The following NEDD4L variants were observed in gnomAD, a reference collection of about 807,000 sequenced individuals.
NEDD4L encodes E3 ubiquitin-protein ligase NEDD4-like.
In NEDD4L, 54 loss-of-function variants were observed where a neutral mutation model predicts 148.9. That is an observed-to-expected ratio of 0.36 (90% CI 0.29 to 0.45). The LOEUF is 0.45. Ranked by LOEUF, NEDD4L falls within the 20% of genes least tolerant of loss-of-function variation. The probability of loss-of-function intolerance (pLI) is 1.00; values close to 1 mark genes in which losing one functional copy is unlikely to be tolerated. For synonymous variants in NEDD4L, 433 were observed against 440.7 expected (o/e 0.98, Z 0.22); for missense variants, 856 against 1,233.8 (o/e 0.69, Z 4.59).
chr18:58,139,304 C>T (rs1179709268), intron 1 of NEDD4L, among the ~76,000 whole-genome samples: 2 of 151,554 alleles, frequency 1.3e-5, no homozygotes, highest in Admixed American at 1.3e-4. Context: ...CCCCGACCCC[C>T]GCCCCATACA....
chr18:58,305,844 GT>G (rs1356353957), intron 5 of NEDD4L, among the ~76,000 whole-genome samples: 2 of 152,116 alleles, frequency 1.3e-5, no homozygotes, highest in Non-Finnish European at 2.9e-5. Context: ...TAAAATTGTT[GT>G]GTCGGGTGGG....
At chr18:58,104,731 A>G (rs1318008910) in intron 1 of NEDD4L, among the ~76,000 whole-genome samples, 4 of 152,168 alleles carry the variant, frequency 2.6e-5, no homozygotes, top group Non-Finnish European at 5.9e-5. Flanking sequence ...GAAGTCACAG[A>G]ACAATTGCAT....
At chr18:58,234,000 A>G (rs2045577635) in intron 2 of NEDD4L, among the ~76,000 whole-genome samples, 1 of 151,876 alleles carries the variant, frequency 6.6e-6, no homozygotes, top group Admixed American at 6.6e-5. Flanking sequence ...TAAGAACACC[A>G]GTCATATTGG....
intron 19 of NEDD4L, among the ~76,000 whole-genome samples, chr18:58,363,330 G>A (rs576151978): frequency 2.0e-5 from 3 of 152,276 alleles, no homozygotes; most frequent in South Asian, 2.1e-4. Flanking sequence ...AACTTAGGCC[G>A]AAATGATAAC....
intron 5 of NEDD4L, among the ~76,000 whole-genome samples, chr18:58,307,864 T>A (rs1027411229): frequency 1.3e-5 from 2 of 152,230 alleles, no homozygotes; most frequent in Admixed American, 6.5e-5. Context: ...TATTTCAGAT[T>A]AAGATCTGTT....
At chr18:58,108,319 C>G (rs1489320663) in intron 1 of NEDD4L, among the ~76,000 whole-genome samples, 1 of 152,122 alleles carries the variant, frequency 6.6e-6, no homozygotes, top group Admixed American at 6.5e-5. Context: ...CTTTTAACTC[C>G]AAAATTGTTT....
At chr18:58,333,783 T>G (rs1356458178) in intron 11 of NEDD4L, 35 bp from the exon 12 acceptor site, 1 of 1,534,288 alleles carries the variant, frequency 6.5e-7, no homozygotes. Flanking sequence ...AAGAATATAT[T>G]TCTTGATGCT....
At chr18:58,320,083 T>A (rs1244721798) in intron 6 of NEDD4L, among the ~76,000 whole-genome samples, 1 of 152,196 alleles carries the variant, frequency 6.6e-6, no homozygotes, top group Admixed American at 6.5e-5. Flanking sequence ...ATCAGTCATT[T>A]AAGCTGCATA....
intron 2 of NEDD4L, among the ~76,000 whole-genome samples, chr18:58,167,582 CT>C (rs1390824468): frequency 1.6e-4 from 24 of 152,246 alleles, no homozygotes; most frequent in Non-Finnish European, 2.8e-4. Context: ...GTCATTTTAG[CT>C]TTTGCAGATG....
rs139442764 is a variant in NEDD4L, at chr18:58,165,902, AT to A, written c.122+43del. The A allele has an allele frequency of 2.1e-3, 3,216 of 1,507,582 alleles. 53 individuals carry two copies. The African/African-American group carries it at 0.04, about 19-fold the overall frequency. The allele number at this position is 1,507,582 out of a possible 1,614,324, so 93.4% of individuals were successfully genotyped here. Reference sequence around the variant, plus strand: ...TTTTATTTCTGTGGACTTCTGAAAAATTGACAAGCAGTTTTCAAATTCAGGC... The same window carrying A: ...TTTTATTTCTGTGGACTTCTGAAAAATGACAAGCAGTTTTCAAATTCAGGC... On this transcript the variant is annotated intron_variant, in intron 2 of 30. Transcript: ENST00000400345.
At chr18:58,245,570 C>A in intron 3 of NEDD4L, 62 bp downstream of exon 3, 1 of 858,206 alleles carries the variant, frequency 1.2e-6, no homozygotes, top group South Asian at 1.6e-5. Context: ...TATGCACAGT[C>A]ATGTGCTGCT....
chr18:58,241,437 CT>C (rs970228495), intron 2 of NEDD4L, among the ~76,000 whole-genome samples: 2 of 152,354 alleles, frequency 1.3e-5, no homozygotes, highest in Non-Finnish European at 2.9e-5. Context: ...CACTGGAGCT[CT>C]GCCTGTGATC....
intron 1 of NEDD4L, among the ~76,000 whole-genome samples, chr18:58,110,144 C>T (rs1405431216): frequency 6.6e-6 from 1 of 152,150 alleles, no homozygotes; most frequent in Non-Finnish European, 1.5e-5. Context: ...GTGGGCATGA[C>T]TGGGTTTCTA....
At chr18:58,063,846 G>T (rs1392689785) in intron 1 of NEDD4L, among the ~76,000 whole-genome samples, 1 of 151,790 alleles carries the variant, frequency 6.6e-6, no homozygotes, top group Admixed American at 6.6e-5. Flanking sequence ...GAGCCACTGT[G>T]CCCAGCCGTA....
chr18:58,137,559 G>A (rs1324704033), intron 1 of NEDD4L, among the ~76,000 whole-genome samples: 4 of 152,204 alleles, frequency 2.6e-5, no homozygotes, highest in Non-Finnish European at 4.4e-5. Flanking sequence ...CCCAGAGTGT[G>A]TATTCACTGC....
At chr18:58,292,919 G>A (rs2054976896) in intron 5 of NEDD4L, among the ~76,000 whole-genome samples, 2 of 152,190 alleles carry the variant, frequency 1.3e-5, no homozygotes, top group Admixed American at 1.3e-4. Context: ...ATGTTTATAA[G>A]GCACATGAAT....
At chr18:58,222,683 C>T (rs1379406973) in intron 2 of NEDD4L, among the ~76,000 whole-genome samples, 1 of 152,172 alleles carries the variant, frequency 6.6e-6, no homozygotes, top group Admixed American at 6.5e-5. Flanking sequence ...AGCCGGGTTA[C>T]TTTCAGTAAA....
At chr18:58,065,849 G>C (rs1485498088) in intron 1 of NEDD4L, among the ~76,000 whole-genome samples, 1 of 152,218 alleles carries the variant, frequency 6.6e-6, no homozygotes, top group African/African-American at 2.4e-5. Context: ...CCACCACACA[G>C]AGTGCTGGGT....
At position 58,096,342 on chromosome 18, in the gene NEDD4L, ATTTTATTTATTTTAT is replaced by A. The variant is rs1312125659; in HGVS notation, c.48+51638_48+51652del. Reference sequence around the variant, plus strand: ...CTCCTGGCCTTAGTGTGATTATTTTATTTTATTTATTTTATTTTATTTTATTTTATTTTATTTTAT... The same window carrying A: ...CTCCTGGCCTTAGTGTGATTATTTTATTTATTTTATTTTATTTTATTTTAT... On this transcript the variant is annotated intron_variant, in intron 1 of 30. Transcript: ENST00000400345. Among the ~76,000 whole-genome samples, 86 of 141,898 alleles carry A rather than the reference ATTTTATTTATTTTAT, an allele frequency of 6.1e-4. No individual in the cohort carries two copies. In the South Asian group the frequency reaches 9.9e-3, roughly 16 times the overall value. 93.1% of individuals were successfully genotyped at this position (141,898 alleles called of 152,430 possible).
Sources: allele counts gnomAD v4.1 joint callset (sites outside exome capture counted in the v4.1 genomes callset), GRCh38; gene constraint gnomAD v4.1.1; transcripts MANE v1.5; gene names NCBI Gene and HGNC (gene_info 2026-07-23, HGNC 2026-07-21).